The following CADM2 variants were observed in gnomAD, a reference collection of about 807,000 sequenced individuals.
CADM2 encodes immunoglobulin superfamily member 4D.
A neutral mutation model predicts 49.8 loss-of-function variants in CADM2; 12 were observed. The observed-to-expected ratio is 0.24, with a 90% CI of 0.15 to 0.39. The LOEUF (loss-of-function observed/expected upper bound fraction) is 0.39. Ranked by LOEUF, CADM2 falls within the 10% of genes least tolerant of loss-of-function variation. CADM2 has a pLI of 1.00. For synonymous variants in CADM2, 214 were observed against 175.4 expected, an observed-to-expected ratio of 1.22 and a Z score of -1.74; for missense variants, 378 against 492.3, an observed-to-expected ratio of 0.77 and a Z score of 2.20.
At chr3:85,159,953 T>C (rs1446981204) in intron 1 of CADM2, among the ~76,000 whole-genome samples, 4 of 152,200 alleles carry the variant, frequency 2.6e-5, no homozygotes, top group Non-Finnish European at 4.4e-5. Context: ...GCTGTATAAT[T>C]TGAAATTTTT....
intron 1 of CADM2, among the ~76,000 whole-genome samples, chr3:85,420,028 T>A (rs1392743631): frequency 6.6e-6 from 1 of 152,156 alleles, no homozygotes; most frequent in East Asian, 1.9e-4. Context: ...ACCAAAAAGT[T>A]GATAACAAAT....
chr3:86,069,170 G>C lies in CADM2; in HGVS notation c.*2387G>C, dbSNP rs1358686138. The C allele has an allele frequency of 6.6e-6, 1 of 151,514 alleles. No individual in the cohort carries two copies. Among genetic ancestry groups the C allele is most frequent in the African/African-American group, 2.4e-5 (1 of 41,260 alleles). The allele number at this position is 151,514 out of a possible 1,614,324, so 9.4% of individuals were successfully genotyped here. ...TCTTCATTTCATCTATATTCTACTT[G>C]GCTCCAACAACTAAATTGTTGCCTA... On this transcript the variant is annotated 3_prime_UTR_variant, in exon 10 of 10. Coordinates refer to ENST00000383699, the MANE Select transcript of CADM2 (RefSeq NM_001167675.2).
intron 1 of CADM2, among the ~76,000 whole-genome samples, chr3:85,269,896 G>A (rs559985531): frequency 9.3e-5 from 14 of 150,982 alleles, no homozygotes; most frequent in Admixed American, 6.6e-4. Flanking sequence ...CTTCAAAATC[G>A]TACTAGATGT....
intron 1 of CADM2, among the ~76,000 whole-genome samples, chr3:85,545,165 T>G (rs781510613): frequency 6.6e-6 from 1 of 152,194 alleles, no homozygotes; most frequent in African/African-American, 2.4e-5. Context: ...GAAGTTGCAG[T>G]TAATCATGCC....
At chr3:85,187,844 T>G (rs1437943691) in intron 1 of CADM2, among the ~76,000 whole-genome samples, 1 of 151,016 alleles carries the variant, frequency 6.6e-6, no homozygotes, top group Non-Finnish European at 1.5e-5. Context: ...TAACAAATAC[T>G]TTTTTTTCAA....
intron 3 of CADM2, among the ~76,000 whole-genome samples, chr3:85,846,720 G>A (rs566691009): frequency 2.6e-5 from 4 of 152,000 alleles, no homozygotes; most frequent in Non-Finnish European, 4.4e-5. Flanking sequence ...AAAATCAGCC[G>A]ATGTGGTGGT....
intron 1 of CADM2, among the ~76,000 whole-genome samples, chr3:85,583,597 G>A (rs1401259013): frequency 6.6e-6 from 1 of 151,900 alleles, no homozygotes; most frequent in Non-Finnish European, 1.5e-5. Context: ...AAGTTCAATA[G>A]GATTATAGAA....
At chr3:85,841,682 G>T (rs1480449698) in intron 3 of CADM2, among the ~76,000 whole-genome samples, 3 of 151,840 alleles carry the variant, frequency 2.0e-5, no homozygotes, top group Non-Finnish European at 2.9e-5. Context: ...ACATAATTAA[G>T]GTTCAAAAAA....
chr3:85,621,879 A>G (rs2063987656), intron 1 of CADM2, among the ~76,000 whole-genome samples: 3 of 152,190 alleles, frequency 2.0e-5, no homozygotes, highest in Admixed American at 6.6e-5. Context: ...GTAGATGACA[A>G]GGTGAAAAGT....
intron 1 of CADM2, among the ~76,000 whole-genome samples, chr3:85,062,101 CACAA>C (rs1195369328): frequency 2.6e-5 from 4 of 151,752 alleles, no homozygotes; most frequent in African/African-American, 9.7e-5. Flanking sequence ...CACACACACA[CACAA>C]ACACACACAC....
chr3:85,001,568 T>C (rs1266464611), intron 1 of CADM2, among the ~76,000 whole-genome samples: 1 of 152,076 alleles, frequency 6.6e-6, no homozygotes, highest in East Asian at 1.9e-4. Flanking sequence ...TTTGCTCACC[T>C]AGAGATGGTC....
chr3:85,075,778 A>G (rs971824999), intron 1 of CADM2, among the ~76,000 whole-genome samples: 1 of 152,234 alleles, frequency 6.6e-6, no homozygotes, highest in African/African-American at 2.4e-5. Context: ...ATTAGAGCAT[A>G]ATAAGCGATG....
chr3:85,838,459 G>T (rs1178918775), intron 3 of CADM2, among the ~76,000 whole-genome samples: 1 of 151,762 alleles, frequency 6.6e-6, no homozygotes, highest in Non-Finnish European at 1.5e-5. Flanking sequence ...GTTGTGAAGA[G>T]TAAGTTTATA....
chr3:85,928,989 C>T (rs182198006), intron 6 of CADM2, among the ~76,000 whole-genome samples: 244 of 151,716 alleles, frequency 1.6e-3, no homozygotes, highest in Non-Finnish European at 2.2e-3. Flanking sequence ...TTTAAAACTG[C>T]GTGAAAATTG....
At chr3:85,677,947 A>G (rs2065932335) in intron 1 of CADM2, among the ~76,000 whole-genome samples, 1 of 152,256 alleles carries the variant, frequency 6.6e-6, no homozygotes, top group Admixed American at 6.5e-5. Context: ...ATCAGAAAGC[A>G]TAAAATATAA....
At chr3:85,353,521 C>T (rs2031552569) in intron 1 of CADM2, among the ~76,000 whole-genome samples, 2 of 148,696 alleles carry the variant, frequency 1.3e-5, no homozygotes, top group African/African-American at 2.5e-5. Context: ...TTTTCTGTTC[C>T]TTTCTTTAGT....
At chr3:85,104,859 G>C (rs1432821422) in intron 1 of CADM2, among the ~76,000 whole-genome samples, 1 of 152,016 alleles carries the variant, frequency 6.6e-6, no homozygotes, top group Non-Finnish European at 1.5e-5. Context: ...CTCATGATTT[G>C]GCTCTCTGTT....
intron 1 of CADM2, among the ~76,000 whole-genome samples, chr3:85,137,684 G>A (rs1471505266): frequency 1.3e-5 from 2 of 151,980 alleles, no homozygotes; most frequent in South Asian, 2.1e-4. Flanking sequence ...TTAGGAAGCC[G>A]TGTTTAAATG....
At chr3:85,329,040 G>A (rs1160307990) in intron 1 of CADM2, among the ~76,000 whole-genome samples, 2 of 152,098 alleles carry the variant, frequency 1.3e-5, no homozygotes, top group Non-Finnish European at 2.9e-5. Flanking sequence ...AGTATGACTG[G>A]TGTCATTATA....
Sources: gnomAD v4.1 joint callset for allele counts (sites outside exome capture counted in the v4.1 genomes callset) on GRCh38, gnomAD v4.1.1 for gene constraint, MANE v1.5 for transcripts, NCBI Gene and HGNC (gene_info 2026-07-23, HGNC 2026-07-21) for gene names.